The following DNM3 variants were observed in gnomAD, a reference collection of about 807,000 sequenced individuals.
The protein encoded by DNM3 is dynamin 3.
In DNM3, 47 loss-of-function variants were observed where a neutral mutation model predicts 101.6. That is an observed-to-expected ratio of 0.46 (90% CI 0.37 to 0.59). The LOEUF (loss-of-function observed/expected upper bound fraction) is 0.59, where lower values mean the gene tolerates loss of function less well. DNM3 is among the 20% of genes least tolerant of loss of function. The pLI is 0.00. For missense variants in DNM3, 849 were observed against 1,085.7 expected (o/e 0.78, Z 3.06); for synonymous variants, 385 against 387.9 (o/e 0.99, Z 0.09).
chr1:172,321,595 G>C (rs1397433339), intron 16 of DNM3, among the ~76,000 whole-genome samples: 2 of 152,164 alleles, frequency 1.3e-5, no homozygotes, highest in East Asian at 3.8e-4. Context: ...TCCTCCGCTT[G>C]TGTGTTTCTT....
intron 17 of DNM3, among the ~76,000 whole-genome samples, chr1:172,325,443 G>T (rs1227977981): frequency 6.6e-6 from 1 of 151,772 alleles, no homozygotes; most frequent in South Asian, 2.1e-4. Context: ...ATTTTTAATT[G>T]TTTGTTATGA....
At chr1:172,201,259 C>T (rs949635774) in intron 14 of DNM3, among the ~76,000 whole-genome samples, 15 of 152,094 alleles carry the variant, frequency 9.9e-5, no homozygotes, top group Non-Finnish European at 1.9e-4. Flanking sequence ...CAGTTACAGC[C>T]GTGTTCTCTC....
intron 17 of DNM3, among the ~76,000 whole-genome samples, chr1:172,326,672 A>G (rs2224567): frequency 0.55 from 83,771 of 151,714 alleles, 24,165 homozygotes; most frequent in African/African-American, 0.72. Context: ...TAAATACTTG[A>G]CGTTTCAGTT....
chr1:172,127,423 T>TATG (rs1297141866), intron 13 of DNM3, among the ~76,000 whole-genome samples: 8 of 148,480 alleles, frequency 5.4e-5, no homozygotes, highest in South Asian at 4.3e-4. Context: ...TTATTATTAT[T>TATG]ATTGAGGCAG....
intron 4 of DNM3, among the ~76,000 whole-genome samples, chr1:171,995,151 G>T (rs538323977): frequency 7.3e-6 from 1 of 136,548 alleles, no homozygotes; most frequent in East Asian, 2.2e-4. Context: ...TGCTGCCCAG[G>T]CTGGAGTGCA....
chr1:172,227,274 A>ATG (rs1247176535), intron 14 of DNM3, among the ~76,000 whole-genome samples: 1 of 66,838 alleles, frequency 1.5e-5, no homozygotes, highest in Non-Finnish European at 3.0e-5. Context: ...ATTTTGTGAT[A>ATG]TATATATATA....
intron 16 of DNM3, among the ~76,000 whole-genome samples, chr1:172,320,706 G>A (rs937651549): frequency 5.3e-5 from 8 of 152,058 alleles, no homozygotes; most frequent in Admixed American, 3.9e-4. Context: ...CCATCTATTG[G>A]CTAAGCAAGC....
chr1:171,911,977 T>C (rs145642926), intron 1 of DNM3, among the ~76,000 whole-genome samples: 3 of 152,236 alleles, frequency 2.0e-5, no homozygotes, highest in Non-Finnish European at 2.9e-5. Context: ...TAGGGCTACC[T>C]CTTACCTAGG....
chr1:172,008,003 CT>C (rs1383454347), intron 4 of DNM3, among the ~76,000 whole-genome samples: 1 of 151,984 alleles, frequency 6.6e-6, no homozygotes, highest in African/African-American at 2.4e-5. Flanking sequence ...TGTACGTCTT[CT>C]TTTGAGAAAC....
chr1:172,301,871 G>T (rs914398978), intron 15 of DNM3, among the ~76,000 whole-genome samples: 5 of 152,118 alleles, frequency 3.3e-5, no homozygotes, highest in African/African-American at 1.2e-4. Context: ...CTGAAAAATA[G>T]GTACAATGAA....
At chr1:172,393,768 GT>G (rs1394672665) in intron 20 of DNM3, 3 of 152,510 alleles carry the variant, frequency 2.0e-5, no homozygotes, top group Non-Finnish European at 4.4e-5. Context: ...TCATGGAACA[GT>G]TTTTATTTTT....
intron 1 of DNM3, among the ~76,000 whole-genome samples, chr1:171,870,580 T>C (rs10913900): frequency 0.023 from 3,478 of 152,304 alleles, 149 homozygotes; most frequent in African/African-American, 0.077. Flanking sequence ...AAGTGAGGAA[T>C]TGATCTTCAG....
intron 15 of DNM3, among the ~76,000 whole-genome samples, chr1:172,302,917 TG>T (rs1449953450): frequency 1.3e-5 from 2 of 152,092 alleles, no homozygotes; most frequent in Non-Finnish European, 1.5e-5. Flanking sequence ...ACCACAAAGC[TG>T]GGGAGAAACC....
chr1:172,327,116 G>A (rs1244085024), intron 17 of DNM3, among the ~76,000 whole-genome samples: 1 of 152,024 alleles, frequency 6.6e-6, no homozygotes, highest in Non-Finnish European at 1.5e-5. Context: ...ACATATTGGA[G>A]GGCCTTGATA....
intron 6 of DNM3, among the ~76,000 whole-genome samples, chr1:172,035,809 G>A (rs1371406489): frequency 2.0e-5 from 3 of 152,004 alleles, no homozygotes; most frequent in East Asian, 1.9e-4. Context: ...GAACAGCAAC[G>A]CATGCCAGGG....
intron 13 of DNM3, among the ~76,000 whole-genome samples, chr1:172,118,441 T>C (rs529413667): frequency 8.7e-4 from 132 of 152,368 alleles, no homozygotes; most frequent in African/African-American, 2.5e-3. Context: ...GATTGAATGA[T>C]AGCACATCTT....
intron 14 of DNM3, among the ~76,000 whole-genome samples, chr1:172,198,268 A>T (rs2060026252): frequency 6.6e-6 from 1 of 152,144 alleles, no homozygotes; most frequent in Non-Finnish European, 1.5e-5. Flanking sequence ...GATGAAGCCT[A>T]CTTGATCATG....
intron 16 of DNM3, chr1:172,309,248 A>C (rs754795605): frequency 3.7e-5 from 6 of 160,128 alleles, no homozygotes; most frequent in African/African-American, 9.6e-5. Context: ...ATAAAAATCT[A>C]TCCCCTTTCA....
chr1:172,271,359 TA>T, intron 15 of DNM3, among the ~76,000 whole-genome samples: 1 of 152,296 alleles, frequency 6.6e-6, no homozygotes, highest in South Asian at 2.1e-4. Context: ...TATTTAAAAC[TA>T]ACCCTAATAA....
Sources: allele counts gnomAD v4.1 joint callset (sites outside exome capture counted in the v4.1 genomes callset), GRCh38; gene constraint gnomAD v4.1.1; transcripts MANE v1.5; gene names NCBI Gene and HGNC (gene_info 2026-07-23, HGNC 2026-07-21).